FAM83D: variants seen among roughly 807,000 people sequenced by gnomAD.
FAM83D encodes protein FAM83D.
In FAM83D, 26 loss-of-function variants were observed where a neutral mutation model predicts 25.4. That is an observed-to-expected ratio of 1.02 (90% CI 0.75 to 1.42). FAM83D has a LOEUF of 1.42. Among genes scored for constraint, FAM83D ranks in the 40% most tolerant of loss-of-function variants. FAM83D has a pLI of 0.00. For missense variants in FAM83D, 740 were observed against 758.1 expected (o/e 0.98, Z 0.28); for synonymous variants, 310 against 318.5 (o/e 0.97, Z 0.28).
chr20:38,944,501 C>T (rs892815544), intron 2 of FAM83D, among the ~76,000 whole-genome samples: 5 of 152,210 alleles, frequency 3.3e-5, no homozygotes, highest in African/African-American at 1.2e-4. Context: ...AGAGAAATCA[C>T]AGAATTGTTC....
intron 1 of FAM83D, among the ~76,000 whole-genome samples, chr20:38,928,300 C>T (rs531969032): frequency 8.5e-5 from 13 of 152,342 alleles, no homozygotes; most frequent in African/African-American, 2.9e-4. Context: ...CCCCGACTCT[C>T]ACCAATGTTC....
intron 1 of FAM83D, among the ~76,000 whole-genome samples, chr20:38,934,493 CAAAA>C (rs34435879): frequency 1.3e-5 from 1 of 78,060 alleles, no homozygotes; most frequent in Non-Finnish European, 2.8e-5. Flanking sequence ...AACTCCGTCT[CAAAA>C]AAAAAAAAAA....
Position 38,952,631 on chromosome 20 carries a change from G to A in FAM83D, c.*111G>A. 8.1e-7 allele frequency: 1 copy of A among 1,237,982 alleles called. No homozygotes were observed. 76.7% of individuals were successfully genotyped at this position (1,237,982 alleles called of 1,614,324 possible). A position where few individuals can be genotyped will look rare whatever the true frequency, so the allele number is the denominator to read the frequency against. On this transcript the variant is annotated 3_prime_UTR_variant, in exon 4 of 4. Transcript: ENST00000619850. Reference sequence around the variant, plus strand: ...AATTGCCTTTCTTTTACCTGACTTTGTCACCTTTGTTGTCTTTGAATTCTT... The same window carrying A: ...AATTGCCTTTCTTTTACCTGACTTTATCACCTTTGTTGTCTTTGAATTCTT...
chr20:38,939,126 C>A (rs2085690822), intron 1 of FAM83D, among the ~76,000 whole-genome samples: 1 of 151,234 alleles, frequency 6.6e-6, no homozygotes, highest in Admixed American at 6.6e-5. Context: ...CTGGTACATA[C>A]CCCGTCATGC....
chr20:38,939,569 T>C (rs1441101578), intron 1 of FAM83D, among the ~76,000 whole-genome samples: 1 of 152,176 alleles, frequency 6.6e-6, no homozygotes, highest in African/African-American at 2.4e-5. Flanking sequence ...CGGGCTGCTC[T>C]CAAACTCCTG....
At position 38,946,217 on chromosome 20, in the gene FAM83D, A is replaced by C. The variant is rs984051206; in HGVS notation, c.652-1659A>C. On this transcript the variant is annotated intron_variant, in intron 2 of 3. Transcript: ENST00000619850. ...CACCTCAAAAAAAAAAAAAAAAAAA[A>C]AAACAATTTTTTGTAGAATTTGGGT... 3.2e-4 allele frequency among the ~76,000 whole-genome samples: 49 copies of C among 151,702 alleles called. No homozygotes were observed. The East Asian group carries it at 7.9e-3, about 25-fold the overall frequency.
intron 2 of FAM83D, among the ~76,000 whole-genome samples, chr20:38,945,067 C>G (rs2085721078): frequency 6.6e-6 from 1 of 152,106 alleles, no homozygotes; most frequent in African/African-American, 2.4e-5. Context: ...GAATTTGTGC[C>G]CCTTGCTGTA....
chr20:38,951,174 C>T (rs2085752094), intron 3 of FAM83D, among the ~76,000 whole-genome samples: 2 of 152,188 alleles, frequency 1.3e-5, no homozygotes, highest in African/African-American at 2.4e-5. Flanking sequence ...AGGTGGCTCA[C>T]ACCTGTAATC....
In FAM83D at chr20:38,952,821, T is replaced by C. The variant is rs916336089; in HGVS notation, c.*301T>C. ...TGACAGACCACGTATATGTTGGCAG[T>C]CTCATAAGATTATAATACTGTATTT... On this transcript the variant is annotated 3_prime_UTR_variant, in exon 4 of 4. Transcript: ENST00000619850. 2 of 382,082 alleles carry C rather than the reference T, an allele frequency of 5.2e-6. No homozygotes were observed. The highest frequency in any genetic ancestry group is 9.5e-6 in the Non-Finnish European group (2 of 211,470). The allele number at this position is 382,082 out of a possible 1,614,324, so 23.7% of individuals were successfully genotyped here. A position where few individuals can be genotyped will look rare whatever the true frequency, so the allele number is the denominator to read the frequency against.
In FAM83D at chr20:38,941,214, G is replaced by T. The variant is rs533642341; in HGVS notation, c.484-745G>T. 7.2e-5 allele frequency among the ~76,000 whole-genome samples: 11 copies of T among 152,326 alleles called. No individual in the cohort carries two copies. In the South Asian group the frequency reaches 2.3e-3, roughly 32 times the overall value. On this transcript the variant is annotated intron_variant, in intron 1 of 3. Coordinates refer to ENST00000619850, the MANE Select transcript of FAM83D (RefSeq NM_030919.3). ...AGAACTGCAGAGAGAACCTTTTACT[G>T]AGGAGAGGCCAGTGCAGTGGAAGTC...
chr20:38,934,781 C>T (rs2085671969), intron 1 of FAM83D, among the ~76,000 whole-genome samples: 2 of 152,046 alleles, frequency 1.3e-5, no homozygotes, highest in African/African-American at 4.8e-5. Context: ...CATCCTGTAG[C>T]TCTAAGAAGG....
Position 38,952,427 on chromosome 20 carries a change from T to C in FAM83D, c.1665T>C (p.Phe555=). ...MLAMLSRRTL[F]TENHLGLHSG... ...CTATGCTGTCAAGGAGAACACTCTT[T>C]ACTGAAAACCACCTTGGCCTTCATT... The change falls in exon 4 of 4, where the codon TTT becomes TTC. Residue 555 remains phenylalanine, a synonymous_variant. Transcript: ENST00000619850. 6.2e-7 allele frequency: 1 copy of C among 1,614,226 alleles called. No individual in the cohort carries two copies. The highest frequency in any genetic ancestry group is 8.5e-7 in the Non-Finnish European group (1 of 1,180,044).
chr20:38,930,754 T>A (rs1386989522), intron 1 of FAM83D, among the ~76,000 whole-genome samples: 1 of 152,082 alleles, frequency 6.6e-6, no homozygotes, highest in African/African-American at 2.4e-5. Context: ...TTCAAGCGAT[T>A]CTCCTACCTC....
chr20:38,947,406 T>C (rs2085732879), intron 2 of FAM83D, among the ~76,000 whole-genome samples: 1 of 152,206 alleles, frequency 6.6e-6, no homozygotes, highest in Non-Finnish European at 1.5e-5. Context: ...TGAGTGAGGA[T>C]GGACTGTTAC....
intron 3 of FAM83D, among the ~76,000 whole-genome samples, chr20:38,951,200 G>A (rs1167782181): frequency 6.6e-6 from 1 of 152,182 alleles, no homozygotes; most frequent in Non-Finnish European, 1.5e-5. Context: ...ACTTTGGAAG[G>A]ATGAGGTGGG....
rs369346917 is a variant in FAM83D, at chr20:38,937,106, C to A, written c.484-4853C>A. 1.5e-4 allele frequency among the ~76,000 whole-genome samples: 23 copies of A among 152,292 alleles called. 1 individual carries two copies. Among genetic ancestry groups the A allele is most frequent in the African/African-American group, 5.5e-4 (23 of 41,566 alleles). On this transcript the variant is annotated intron_variant, in intron 1 of 3. Transcript: ENST00000619850. Reference sequence around the variant, plus strand: ...CTGGTCAGCAGGCCGGCCATTATGCCCCTGACCAGCTGGATGCGTCCTCCT... The same window carrying A: ...CTGGTCAGCAGGCCGGCCATTATGCACCTGACCAGCTGGATGCGTCCTCCT...
chr20:38,945,792 A>G (rs1351531749), intron 2 of FAM83D, among the ~76,000 whole-genome samples: 2 of 116,516 alleles, frequency 1.7e-5, no homozygotes, highest in Non-Finnish European at 3.2e-5. Flanking sequence ...AGGTCTCGCT[A>G]TGTTGCCTAG....
chr20:38,935,661 G>A (rs2085675808), intron 1 of FAM83D, among the ~76,000 whole-genome samples: 1 of 152,138 alleles, frequency 6.6e-6, no homozygotes, highest in African/African-American at 2.4e-5. Context: ...GCCCAGAGTG[G>A]TCTCAAACTC....
intron 2 of FAM83D, among the ~76,000 whole-genome samples, chr20:38,945,945 C>T (rs796577764): frequency 7.2e-5 from 11 of 152,028 alleles, no homozygotes; most frequent in East Asian, 1.9e-4. Flanking sequence ...CAGTGGCTCA[C>T]GCCTGTAATC....
Sources: allele counts gnomAD v4.1 joint callset (sites outside exome capture counted in the v4.1 genomes callset), GRCh38; gene constraint gnomAD v4.1.1; transcripts MANE v1.5; gene names NCBI Gene and HGNC (gene_info 2026-07-23, HGNC 2026-07-21).